The following TENM2 variants were observed in gnomAD, a reference collection of about 807,000 sequenced individuals.
TENM2 encodes teneurin transmembrane protein 2.
In TENM2, 52 loss-of-function variants were observed where a neutral mutation model predicts 245.2. That is an observed-to-expected ratio of 0.21 (90% confidence interval 0.17 to 0.27). TENM2 has a LOEUF of 0.27. TENM2 is among the 10% of genes least tolerant of loss of function. The probability of loss-of-function intolerance (pLI) is 1.00; values close to 1 mark genes in which losing one functional copy is unlikely to be tolerated. For missense variants in TENM2, 3,046 were observed against 3,666.8 expected (o/e 0.83, Z 4.37); for synonymous variants, 1,363 against 1,438.9 (o/e 0.95, Z 1.19).
intron 4 of TENM2, among the ~76,000 whole-genome samples, chr5:167,955,939 C>T (rs546528168): frequency 1.1e-3 from 174 of 152,082 alleles, no homozygotes; most frequent in African/African-American, 4.0e-3. Flanking sequence ...TAGGCTATAT[C>T]ACTTGGCCGT....
chr5:167,060,892 A>G, the TENM2 span, among the ~76,000 whole-genome samples: 15 of 152,046 alleles, frequency 9.9e-5, no homozygotes, highest in African/African-American at 3.1e-4. Context: ...CATCACAGGT[A>G]TGGACTCTCT....
chr5:167,443,529 AT>A (rs1764983202), intron 2 of TENM2, among the ~76,000 whole-genome samples: 1 of 151,874 alleles, frequency 6.6e-6, no homozygotes, highest in African/African-American at 2.4e-5. Flanking sequence ...TGAAAGTTTG[AT>A]TGTTAATAGC....
intron 1 of TENM2, among the ~76,000 whole-genome samples, chr5:167,316,248 A>T (rs1756357466): frequency 6.6e-6 from 1 of 152,210 alleles, no homozygotes. Flanking sequence ...CTGGCATGTA[A>T]TGGATGCATC....
At chr5:168,146,641 C>T (rs916082044) in intron 12 of TENM2, among the ~76,000 whole-genome samples, 1 of 152,188 alleles carries the variant, frequency 6.6e-6, no homozygotes, top group African/African-American at 2.4e-5. Flanking sequence ...ATGACAGAAA[C>T]GGCCGGTCCC....
At chr5:167,056,256 C>A in the TENM2 span, among the ~76,000 whole-genome samples, 3 of 151,672 alleles carry the variant, frequency 2.0e-5, no homozygotes, top group Admixed American at 1.3e-4. Flanking sequence ...ATACTGGCAA[C>A]AAATTCCCTC....
intron 3 of TENM2, among the ~76,000 whole-genome samples, chr5:167,911,493 C>T (rs1776552724): frequency 6.6e-6 from 1 of 152,202 alleles, no homozygotes. Flanking sequence ...CGCCACTGCA[C>T]TCCAGCCTGG....
At chr5:167,820,525 G>T (rs1767433760) in intron 2 of TENM2, among the ~76,000 whole-genome samples, 1 of 152,186 alleles carries the variant, frequency 6.6e-6, no homozygotes, top group Non-Finnish European at 1.5e-5. Context: ...AGCCAACAGA[G>T]GAGGAACTCC....
At chr5:167,624,547 C>T (rs776558728) in intron 2 of TENM2, among the ~76,000 whole-genome samples, 1 of 152,134 alleles carries the variant, frequency 6.6e-6, no homozygotes, top group Non-Finnish European at 1.5e-5. Flanking sequence ...TGCACACGTA[C>T]CTGAATCAAA....
At chr5:167,072,477 T>C in the TENM2 span, among the ~76,000 whole-genome samples, 1 of 152,184 alleles carries the variant, frequency 6.6e-6, no homozygotes, top group South Asian at 2.1e-4. Context: ...GAGCCCAACA[T>C]GTCTGTTGAT....
intron 13 of TENM2, chr5:168,186,194 C>G (rs965170086): frequency 2.6e-5 from 4 of 151,956 alleles, no homozygotes; most frequent in African/African-American, 9.7e-5. Context: ...AGGCTGTCAC[C>G]TCTGATGCTG....
At chr5:167,452,965 A>AAATATATATATATTT (rs1490908045) in intron 2 of TENM2, among the ~76,000 whole-genome samples, 18 of 64,376 alleles carry the variant, frequency 2.8e-4, no homozygotes, top group African/African-American at 6.9e-4. Flanking sequence ...ATATATATTT[A>AAATATATATATATTT]AAAAAAAAAA....
intron 1 of TENM2, among the ~76,000 whole-genome samples, chr5:167,358,848 CACA>C (rs1298347206): frequency 1.9e-5 from 2 of 104,370 alleles, no homozygotes; most frequent in East Asian, 2.5e-4. Context: ...CACACACACA[CACA>C]CCCTGCTGTT....
chr5:168,176,845 A>C (rs770103651), intron 13 of TENM2, among the ~76,000 whole-genome samples: 1 of 152,260 alleles, frequency 6.6e-6, no homozygotes, highest in Non-Finnish European at 1.5e-5. Context: ...AAAAACATGC[A>C]TACAGTGACA....
chr5:167,807,149 A>G (rs1185287849), intron 2 of TENM2, among the ~76,000 whole-genome samples: 3 of 147,484 alleles, frequency 2.0e-5, no homozygotes, highest in Admixed American at 2.0e-4. Flanking sequence ...AAAAAAAAAA[A>G]AAAAAAAGAA....
intron 2 of TENM2, among the ~76,000 whole-genome samples, chr5:167,757,254 C>G (rs767320679): frequency 8.6e-5 from 13 of 151,776 alleles, no homozygotes; most frequent in East Asian, 7.8e-4. Flanking sequence ...CTCCCACCCC[C>G]CAACAGGCCC....
chr5:167,012,741 G>A, the TENM2 span, among the ~76,000 whole-genome samples: 65,035 of 152,042 alleles, frequency 0.43, 14,222 homozygotes, highest in African/African-American at 0.47. Context: ...CAGGTACAGG[G>A]CTGCATCCTC....
intron 5 of TENM2, among the ~76,000 whole-genome samples, chr5:167,999,618 C>T (rs1328237634): frequency 1.3e-5 from 2 of 152,210 alleles, no homozygotes; most frequent in African/African-American, 2.4e-5. Flanking sequence ...AAATGAATCC[C>T]TCTGCTTCGG....
At chr5:168,220,949 T>C (rs1763616622) in intron 23 of TENM2, among the ~76,000 whole-genome samples, 1 of 151,980 alleles carries the variant, frequency 6.6e-6, no homozygotes, top group African/African-American at 2.4e-5. Flanking sequence ...TCATCTCTAC[T>C]GAAAATACAA....
At chr5:168,124,063 C>T (rs1365037190) in intron 10 of TENM2, among the ~76,000 whole-genome samples, 1 of 152,180 alleles carries the variant, frequency 6.6e-6, no homozygotes, top group African/African-American at 2.4e-5. Flanking sequence ...GATGGCCAAA[C>T]AATCAGACAG....
Sources: allele counts gnomAD v4.1 joint callset (sites outside exome capture counted in the v4.1 genomes callset), GRCh38; gene constraint gnomAD v4.1.1; transcripts MANE v1.5; gene names NCBI Gene and HGNC (gene_info 2026-07-23, HGNC 2026-07-21).